The following KLF8 variants were observed in gnomAD, a reference collection of about 807,000 sequenced individuals.
The protein encoded by KLF8 is KLF transcription factor 8.
KLF8 carries 10 observed loss-of-function variants against 18.2 expected under a neutral mutation model. The ratio of observed to expected loss-of-function variants is 0.55; its 90% CI spans 0.34 to 0.93. The LOEUF (loss-of-function observed/expected upper bound fraction) is 0.93, where lower values mean the gene tolerates loss of function less well. KLF8 is among the 40% of genes least tolerant of loss of function. KLF8 has a pLI of 0.02. For synonymous variants in KLF8, 109 were observed against 97.3 expected (o/e 1.12, Z -0.71); for missense variants, 264 against 277.9 (o/e 0.95, Z 0.36).
chrX:55,923,045 T>C, the KLF8 span, among the ~76,000 whole-genome samples: 1 of 111,415 alleles, frequency 9.0e-6, no homozygotes, highest in South Asian at 3.9e-4. Flanking sequence ...ATTGCAGCAC[T>C]ATTCACAATA....
the KLF8 span, among the ~76,000 whole-genome samples, chrX:56,072,861 C>T: frequency 8.9e-6 from 1 of 111,777 alleles, no homozygotes; most frequent in Non-Finnish European, 1.9e-5. Flanking sequence ...TTTAACTCTC[C>T]CTTCCTGCAG....
the KLF8 span, among the ~76,000 whole-genome samples, chrX:56,147,777 G>A: frequency 4.5e-5 from 5 of 112,184 alleles, no homozygotes; most frequent in Non-Finnish European, 9.4e-5. Context: ...TCAGGAGTTC[G>A]AGACCAGCCT....
At chrX:56,179,739 T>A in the KLF8 span, among the ~76,000 whole-genome samples, 10 of 111,924 alleles carry the variant, frequency 8.9e-5, no homozygotes, top group Non-Finnish European at 1.9e-4. Flanking sequence ...ATTGCATCTA[T>A]TGAGATAATC....
At chrX:56,239,336 A>T (rs751128428) in intron 1 of KLF8, among the ~76,000 whole-genome samples, 15 of 112,364 alleles carry the variant, frequency 1.3e-4, no homozygotes, top group Non-Finnish European at 2.3e-4. Flanking sequence ...ACTCTGTATT[A>T]TAAAATCTCT....
At chrX:56,199,029 C>T in the KLF8 span, among the ~76,000 whole-genome samples, 1 of 111,759 alleles carries the variant, frequency 8.9e-6, no homozygotes, top group Non-Finnish European at 1.9e-5. Flanking sequence ...GGAAAACTGG[C>T]TAGCCATATG....
At chrX:56,197,733 T>C in the KLF8 span, among the ~76,000 whole-genome samples, 4 of 111,799 alleles carry the variant, frequency 3.6e-5, no homozygotes, top group East Asian at 1.1e-3. Flanking sequence ...CCCTAACTCA[T>C]TTTATGAGGC....
At chrX:55,912,298 T>A in the KLF8 span, among the ~76,000 whole-genome samples, 1 of 110,949 alleles carries the variant, frequency 9.0e-6, no homozygotes, top group African/African-American at 3.3e-5. Context: ...TTTTTTTCAT[T>A]CCCAATACAC....
chrX:56,154,184 C>A, the KLF8 span, among the ~76,000 whole-genome samples: 12 of 110,022 alleles, frequency 1.1e-4, no homozygotes, highest in African/African-American at 3.4e-4. Context: ...TCAAACTATA[C>A]TACAAGGCTA....
At chrX:55,909,645 T>C in the KLF8 span, among the ~76,000 whole-genome samples, 1 of 112,634 alleles carries the variant, frequency 8.9e-6, no homozygotes, top group Non-Finnish European at 1.9e-5. Flanking sequence ...AATGGCTCAA[T>C]GGTTCACTTT....
At chrX:56,124,379 G>A in the KLF8 span, among the ~76,000 whole-genome samples, 7 of 111,880 alleles carry the variant, frequency 6.3e-5, no homozygotes, top group Admixed American at 1.9e-4. Context: ...GCCCAAGGTC[G>A]TACAACTTGG....
the KLF8 span, among the ~76,000 whole-genome samples, chrX:56,064,440 A>G: frequency 9.1e-6 from 1 of 109,958 alleles, no homozygotes; most frequent in African/African-American, 3.3e-5. Flanking sequence ...TGAGCAGCAT[A>G]TAATTGGGTC....
intron 1 of KLF8, among the ~76,000 whole-genome samples, chrX:56,240,991 A>G (rs2066536561): frequency 1.0e-5 from 1 of 97,956 alleles, no homozygotes. Context: ...CTCAAACTTT[A>G]AAATTAAAAA....
chrX:55,927,533 A>T, the KLF8 span, among the ~76,000 whole-genome samples: 1 of 112,165 alleles, frequency 8.9e-6, no homozygotes, highest in Non-Finnish European at 1.9e-5. Context: ...CTCAGCCATC[A>T]GCATCGTAGT....
chrX:56,144,479 G>A, the KLF8 span, among the ~76,000 whole-genome samples: 1 of 109,812 alleles, frequency 9.1e-6, no homozygotes, highest in Admixed American at 9.8e-5. Context: ...GCTGGGCGCG[G>A]TGGCTCACGC....
At chrX:56,036,326 T>C in the KLF8 span, among the ~76,000 whole-genome samples, 1 of 111,833 alleles carries the variant, frequency 8.9e-6, no homozygotes, top group Non-Finnish European at 1.9e-5. Flanking sequence ...TACATTAAGG[T>C]CTCTGATCCA....
chrX:56,056,780 C>G, the KLF8 span, among the ~76,000 whole-genome samples: 1 of 98,886 alleles, frequency 1.0e-5, no homozygotes, highest in Non-Finnish European at 2.0e-5. Flanking sequence ...GCACATGTAC[C>G]CTAAAACTTA....
intron 2 of KLF8, among the ~76,000 whole-genome samples, chrX:56,254,210 G>C (rs1204313987): frequency 8.9e-6 from 1 of 112,072 alleles, no homozygotes; most frequent in Non-Finnish European, 1.9e-5. Context: ...CCCTTCGTGG[G>C]TGGGAACTGG....
At chrX:55,935,130 T>A in the KLF8 span, among the ~76,000 whole-genome samples, 1 of 112,571 alleles carries the variant, frequency 8.9e-6, no homozygotes, top group Non-Finnish European at 1.9e-5. Flanking sequence ...ATGCTGTTAA[T>A]TACTAATACT....
At chrX:56,235,661 C>A (rs1602404266) in intron 1 of KLF8, among the ~76,000 whole-genome samples, 1 of 110,843 alleles carries the variant, frequency 9.0e-6, no homozygotes, top group Non-Finnish European at 1.9e-5. Flanking sequence ...GGTGATCCAT[C>A]CACCTCAGCC....
Sources: gnomAD v4.1 joint callset for allele counts (sites outside exome capture counted in the v4.1 genomes callset) on GRCh38, gnomAD v4.1.1 for gene constraint, MANE v1.5 for transcripts, NCBI Gene and HGNC (gene_info 2026-07-23, HGNC 2026-07-21) for gene names.